KCNMA1: variants seen among roughly 807,000 people sequenced by gnomAD.
KCNMA1 encodes potassium calcium-activated channel subfamily M alpha 1.
KCNMA1 carries 29 observed loss-of-function variants against 140.0 expected under a neutral mutation model. That is an observed-to-expected ratio of 0.21 (90% CI 0.15 to 0.28). The LOEUF (loss-of-function observed/expected upper bound fraction) is 0.28. KCNMA1 is among the 10% of genes least tolerant of loss of function. The pLI is 1.00. For synonymous variants in KCNMA1, 612 were observed against 611.9 expected (o/e 1.00, Z 0.00); for missense variants, 880 against 1,602.2 (o/e 0.55, Z 7.70).
intron 1 of KCNMA1, among the ~76,000 whole-genome samples, chr10:77,544,555 C>G (rs1016200327): frequency 1.3e-5 from 2 of 152,158 alleles, no homozygotes; most frequent in Non-Finnish European, 2.9e-5. Context: ...TACTGCTACC[C>G]TATCTTCTAG....
chr10:77,428,338 A>G (rs2097071945), intron 1 of KCNMA1, among the ~76,000 whole-genome samples: 1 of 152,042 alleles, frequency 6.6e-6, no homozygotes. Context: ...ATAGCTCATC[A>G]CCCTAAAAAT....
At chr10:77,314,923 AACACACACACACACACAC>A (rs3998084) in intron 2 of KCNMA1, among the ~76,000 whole-genome samples, 169 of 146,358 alleles carry the variant, frequency 1.2e-3, no homozygotes, top group Admixed American at 1.9e-3. Context: ...CCACACCCCC[AACACACACACACACACAC>A]ACACACACAC....
At chr10:77,251,457 T>C (rs1411089709) in intron 2 of KCNMA1, among the ~76,000 whole-genome samples, 1 of 152,140 alleles carries the variant, frequency 6.6e-6, no homozygotes, top group Non-Finnish European at 1.5e-5. Flanking sequence ...ACCTCGCTCC[T>C]TGCCAATAGG....
chr10:76,968,742 G>T (rs1469341240), intron 20 of KCNMA1, among the ~76,000 whole-genome samples: 1 of 152,192 alleles, frequency 6.6e-6, no homozygotes, highest in East Asian at 1.9e-4. Context: ...GGAAGGCAGA[G>T]AACTTTTAAG....
intron 22 of KCNMA1, among the ~76,000 whole-genome samples, chr10:76,946,717 T>C (rs1382987554): frequency 2.0e-5 from 3 of 152,208 alleles, no homozygotes; most frequent in Non-Finnish European, 2.9e-5. Context: ...TAAGCTTCAA[T>C]TGCCTGCATC....
chr10:77,633,118 A>T (rs758459913), intron 1 of KCNMA1, among the ~76,000 whole-genome samples: 1 of 152,172 alleles, frequency 6.6e-6, no homozygotes, highest in African/African-American at 2.4e-5. Context: ...AGATCAAGAC[A>T]ATCCTGGCCA....
chr10:77,637,532 G>C lies in KCNMA1; in HGVS notation c.111C>G (p.Asp37Glu). The stretch of plus-strand genomic sequence containing the variant: ...AGGAGGAGGAGGAGGAGGAGGACGC[G>C]TCTAGGCTGAGATGGTTCGCGTGGA... Reference protein sequence around the residue: ...SNIHANHLSLDASSSSSSSSS... With the variant: ...SNIHANHLSLEASSSSSSSSS... Residue 37 changes from aspartate to glutamate, a missense_variant, in exon 1 of 28, where the codon GAC (aspartate) becomes GAG (glutamate). By Grantham distance (45) the Asp-to-Glu change is conservative (BLOSUM62 2). This residue lies in a region of KCNMA1 where 94 missense variants were observed against 92.4 expected (regional missense o/e 1.02). Transcript: ENST00000286628. 6.4e-7 allele frequency: 1 copy of C among 1,550,540 alleles called. No individual in the cohort carries two copies. The highest frequency in any genetic ancestry group is 8.8e-7 in the Non-Finnish European group (1 of 1,142,218).
chr10:77,441,188 A>G (rs2097391326), intron 1 of KCNMA1, among the ~76,000 whole-genome samples: 1 of 152,124 alleles, frequency 6.6e-6, no homozygotes, highest in African/African-American at 2.4e-5. Context: ...ACGACTGAAG[A>G]TGGCTCAGGG....
chr10:77,047,295 A>T, intron 14 of KCNMA1, among the ~76,000 whole-genome samples: 1 of 152,232 alleles, frequency 6.6e-6, no homozygotes. Flanking sequence ...CTCCCAGACC[A>T]GTGGGCTGCA....
chr10:77,583,103 G>A (rs994941395), intron 1 of KCNMA1, among the ~76,000 whole-genome samples: 1 of 152,206 alleles, frequency 6.6e-6, no homozygotes, highest in Non-Finnish European at 1.5e-5. Flanking sequence ...TCTGTGACAG[G>A]CTCATCAGCA....
intron 1 of KCNMA1, among the ~76,000 whole-genome samples, chr10:77,496,817 A>G (rs578126547): frequency 2.6e-5 from 4 of 152,276 alleles, no homozygotes; most frequent in Admixed American, 6.5e-5. Context: ...GCCTGAGGAC[A>G]CCTGGCTCCT....
At chr10:77,361,700 C>G (rs2093963503) in intron 2 of KCNMA1, among the ~76,000 whole-genome samples, 1 of 152,260 alleles carries the variant, frequency 6.6e-6, no homozygotes. Context: ...CAGGTCACTG[C>G]TCTCTCCAGG....
intron 1 of KCNMA1, among the ~76,000 whole-genome samples, chr10:77,466,349 T>C (rs1336699852): frequency 6.6e-6 from 1 of 152,162 alleles, no homozygotes; most frequent in East Asian, 1.9e-4. Flanking sequence ...TGCTTCTTCA[T>C]CTCCAAAGCC....
chr10:77,408,207 G>A (rs1204885704), intron 1 of KCNMA1, among the ~76,000 whole-genome samples: 1 of 152,200 alleles, frequency 6.6e-6, no homozygotes, highest in Non-Finnish European at 1.5e-5. Context: ...TCTTGCTCCT[G>A]GCCCCACAGG....
chr10:77,289,389 G>A (rs1365901813), intron 2 of KCNMA1, among the ~76,000 whole-genome samples: 1 of 152,132 alleles, frequency 6.6e-6, no homozygotes, highest in Admixed American at 6.5e-5. Flanking sequence ...AACTCCAGCC[G>A]GCGTCCCTCC....
At chr10:77,500,964 T>C (rs1167330286) in intron 1 of KCNMA1, among the ~76,000 whole-genome samples, 2 of 152,152 alleles carry the variant, frequency 1.3e-5, no homozygotes, top group African/African-American at 4.8e-5. Flanking sequence ...AAAACACACA[T>C]TCTCAGACCT....
intron 1 of KCNMA1, among the ~76,000 whole-genome samples, chr10:77,412,642 T>C (rs1447954609): frequency 6.6e-6 from 1 of 152,058 alleles, no homozygotes; most frequent in Non-Finnish European, 1.5e-5. Flanking sequence ...AGGCCCAGCA[T>C]TGTGAGGTGC....
chr10:77,446,999 C>A (rs1459462597), intron 1 of KCNMA1, among the ~76,000 whole-genome samples: 1 of 152,218 alleles, frequency 6.6e-6, no homozygotes, highest in Non-Finnish European at 1.5e-5. Flanking sequence ...CTCTGCATGC[C>A]ATGGAGATGT....
chr10:77,059,626 A>G (rs2095664715), intron 14 of KCNMA1, among the ~76,000 whole-genome samples: 1 of 152,134 alleles, frequency 6.6e-6, no homozygotes, highest in Admixed American at 6.6e-5. Flanking sequence ...TGATGCAGGA[A>G]AGCATTTAGC....
Sources: allele counts gnomAD v4.1 joint callset (sites outside exome capture counted in the v4.1 genomes callset), GRCh38; gene constraint gnomAD v4.1.1; regional missense constraint gnomAD v4.1.1; transcripts MANE v1.5; gene names NCBI Gene and HGNC (gene_info 2026-07-23, HGNC 2026-07-21).